CHN1: variants seen among roughly 807,000 people sequenced by gnomAD.
CHN1 encodes the protein chimerin 1.
In CHN1, 37 loss-of-function variants were observed where a neutral mutation model predicts 59.5. The ratio of observed to expected loss-of-function variants is 0.62; its 90% CI spans 0.48 to 0.82. The LOEUF (loss-of-function observed/expected upper bound fraction) is 0.82, where lower values mean the gene tolerates loss of function less well. Among genes scored for constraint, CHN1 ranks in the 40% least tolerant of loss-of-function variants. The pLI is 0.00. For missense variants in CHN1, 469 were observed against 571.0 expected, an observed-to-expected ratio of 0.82 and a Z score of 1.82; for synonymous variants, 206 against 200.4, an observed-to-expected ratio of 1.03 and a Z score of -0.24.
At chr2:174,847,322 CTTCT>C in intron 6 of CHN1, 2 of 1,313,282 alleles carry the variant, frequency 1.5e-6, no homozygotes, top group Non-Finnish European at 1.9e-6. Context: ...CCAGCAAATT[CTTCT>C]TTCTTCCTTT....
intron 1 of CHN1, among the ~76,000 whole-genome samples, chr2:174,971,095 G>A (rs1364261248): frequency 6.6e-6 from 1 of 152,136 alleles, no homozygotes; most frequent in African/African-American, 2.4e-5. Context: ...GAGGTGGGTG[G>A]ATCACAAGGT....
chr2:174,859,015 A>ACACACACAC (rs1686991299), intron 6 of CHN1, among the ~76,000 whole-genome samples: 7 of 82,006 alleles, frequency 8.5e-5, no homozygotes, highest in Admixed American at 3.8e-4. Flanking sequence ...CACACACACA[A>ACACACACAC]AACCAAACAA....
intron 3 of CHN1, among the ~76,000 whole-genome samples, chr2:174,934,566 G>C (rs889669577): frequency 6.6e-6 from 1 of 152,216 alleles, no homozygotes; most frequent in African/African-American, 2.4e-5. Flanking sequence ...TTAGAGGTTT[G>C]AGAAGAGAGA....
At chr2:174,900,639 C>T (rs1426517581) in intron 5 of CHN1, among the ~76,000 whole-genome samples, 1 of 151,996 alleles carries the variant, frequency 6.6e-6, no homozygotes, top group Non-Finnish European at 1.5e-5. Context: ...AACTGCGTCT[C>T]TACTAAAAAT....
chr2:174,805,026 G>A (rs553068366), intron 11 of CHN1, among the ~76,000 whole-genome samples: 2 of 152,284 alleles, frequency 1.3e-5, no homozygotes, highest in South Asian at 4.1e-4. Context: ...CAACTCTTTA[G>A]CTATAAGAAG....
chr2:174,897,758 CAG>C (rs1206831250), intron 5 of CHN1, among the ~76,000 whole-genome samples: 1 of 152,066 alleles, frequency 6.6e-6, no homozygotes, highest in Non-Finnish European at 1.5e-5. Flanking sequence ...TCAGACAACA[CAG>C]AAAGAATAGG....
intron 5 of CHN1, among the ~76,000 whole-genome samples, chr2:174,913,082 T>C (rs1688746800): frequency 6.6e-6 from 1 of 152,200 alleles, no homozygotes; most frequent in South Asian, 2.1e-4. Context: ...CCAAACTAAA[T>C]CCTTAGCCTT....
intron 7 of CHN1, among the ~76,000 whole-genome samples, chr2:174,842,791 A>G (rs1686358998): frequency 6.6e-6 from 1 of 152,176 alleles, no homozygotes; most frequent in Non-Finnish European, 1.5e-5. Context: ...AATTTTATTA[A>G]CTATTATAAG....
intron 3 of CHN1, among the ~76,000 whole-genome samples, chr2:174,925,110 G>T (rs190043794): frequency 1.9e-3 from 288 of 152,164 alleles, no homozygotes; most frequent in African/African-American, 6.6e-3. Context: ...AAATCCTAAG[G>T]TCTCCCACCA....
chr2:174,883,811 A>C (rs1687810559), intron 5 of CHN1, among the ~76,000 whole-genome samples: 1 of 152,060 alleles, frequency 6.6e-6, no homozygotes, highest in Admixed American at 6.5e-5. Flanking sequence ...AAAGGAATAT[A>C]GAATATATAG....
chr2:174,871,959 T>C lies in CHN1; in HGVS notation c.549+5881A>G, dbSNP rs572341801. Among the ~76,000 whole-genome samples the C allele has an allele frequency of 3.9e-4, 59 of 152,256 alleles. No individual in the cohort carries two copies. The South Asian group carries it at 0.011, about 29-fold the overall frequency. On this transcript the variant is annotated intron_variant, in intron 6 of 12. Transcript: ENST00000409900. The stretch of plus-strand genomic sequence containing the variant: ...GAGACTGAAGAAGAAATGGAGATAA[T>C]ATTCCTGCCTTGCTCTTAACTTGTT...
intron 5 of CHN1, among the ~76,000 whole-genome samples, chr2:174,880,384 A>G (rs1240695322): frequency 6.6e-6 from 1 of 152,210 alleles, no homozygotes; most frequent in African/African-American, 2.4e-5. Flanking sequence ...GAAGTTACCT[A>G]GGAACAGCAC....
intron 6 of CHN1, chr2:174,847,598 G>A: frequency 7.6e-7 from 1 of 1,313,752 alleles, no homozygotes; most frequent in Non-Finnish European, 1.0e-6. Context: ...CCCCTAGCAG[G>A]GAAGGTGGGG....
intron 1 of CHN1, 83 bp from the exon 2 acceptor site, chr2:174,952,285 T>G: frequency 1.2e-6 from 1 of 860,462 alleles, no homozygotes; most frequent in Non-Finnish European, 1.7e-6. Flanking sequence ...ATTTAATATA[T>G]ATCTGTTGAG....
chr2:174,939,512 T>C (rs1039866326), intron 3 of CHN1, among the ~76,000 whole-genome samples: 15 of 152,314 alleles, frequency 9.8e-5, no homozygotes, highest in African/African-American at 3.6e-4. Flanking sequence ...TATGTCTTCA[T>C]TTGTGAGGTC....
In CHN1 at chr2:174,967,592, G is replaced by T. The variant is rs372587892; in HGVS notation, c.20-15390C>A. On this transcript the variant is annotated intron_variant, in intron 1 of 12. Transcript: ENST00000409900. ...TTGAAATTCCAGATATTAAAAAAAT[G>T]TAACCATACGAACACTCTTTGGAGA... Among the ~76,000 whole-genome samples the T allele has an allele frequency of 3.9e-5, 6 of 152,042 alleles. No homozygotes were observed. In the East Asian group the frequency reaches 1.2e-3, roughly 29 times the overall value.
rs1246723487 is a variant in CHN1, at chr2:174,940,886, G to C, written c.114+4002C>G. On this transcript the variant is annotated intron_variant, in intron 3 of 12. Transcript: ENST00000409900. ...ATGGTTTTAACATCCAATGACTGATGATCCTTGCCTGGAGTCAATCATTAG... is the reference window on the plus strand; with the variant it reads ...ATGGTTTTAACATCCAATGACTGATCATCCTTGCCTGGAGTCAATCATTAG... Among the ~76,000 whole-genome samples the C allele has an allele frequency of 3.3e-5, 5 of 152,142 alleles. No individual in the cohort carries two copies. The East Asian group carries it at 7.7e-4, about 23-fold the overall frequency.
intron 1 of CHN1, among the ~76,000 whole-genome samples, chr2:174,957,447 G>GGC (rs1165698749): frequency 5.8e-5 from 2 of 34,354 alleles, no homozygotes; most frequent in Non-Finnish European, 1.2e-4. Context: ...TGTGTGTGTT[G>GGC]GGGGGGGGGG....
chr2:174,917,389 G>A (rs747525849), intron 4 of CHN1, among the ~76,000 whole-genome samples: 16 of 151,372 alleles, frequency 1.1e-4, no homozygotes, highest in African/African-American at 2.7e-4. Context: ...AACCGAGATC[G>A]CACCATTGCA....
Sources: gnomAD v4.1 joint callset for allele counts (sites outside exome capture counted in the v4.1 genomes callset) on GRCh38, gnomAD v4.1.1 for gene constraint, MANE v1.5 for transcripts, NCBI Gene and HGNC (gene_info 2026-07-23, HGNC 2026-07-21) for gene names.